TMCO4: variants seen among roughly 807,000 people sequenced by gnomAD.
TMCO4 encodes the protein transmembrane and coiled-coil domain-containing protein 4.
In TMCO4, 58 loss-of-function variants were observed where a neutral mutation model predicts 64.7. That is an observed-to-expected ratio of 0.90 (90% confidence interval 0.73 to 1.12). TMCO4 has a LOEUF of 1.12. Among genes scored for constraint, TMCO4 ranks in the 50% most tolerant of loss-of-function variants. The pLI is 0.00. For missense variants in TMCO4, 780 were observed against 825.9 expected (o/e 0.94, Z 0.68); for synonymous variants, 325 against 346.1 (o/e 0.94, Z 0.68).
chr1:19,730,883 A>G (rs2095427399), intron 13 of TMCO4, among the ~76,000 whole-genome samples: 1 of 152,238 alleles, frequency 6.6e-6, no homozygotes, highest in African/African-American at 2.4e-5. Flanking sequence ...GAAAACAATT[A>G]GTGGATTCAA....
At chr1:19,742,131 C>G (rs2095482248) in intron 10 of TMCO4, among the ~76,000 whole-genome samples, 1 of 152,184 alleles carries the variant, frequency 6.6e-6, no homozygotes, top group South Asian at 2.1e-4. Context: ...TAGATCACTA[C>G]CACTTGCCCT....
At position 19,734,639 on chromosome 1, in the gene TMCO4, T is replaced by C. The variant is rs1338444086; in HGVS notation, c.1264+2733A>G. Reference sequence around the variant, plus strand: ...TTACGTGGGCTGCAGAGACACCAGATGCCACCGTTTCTAGACACCCCTGAG... The same window carrying C: ...TTACGTGGGCTGCAGAGACACCAGACGCCACCGTTTCTAGACACCCCTGAG... On this transcript the variant is annotated intron_variant, in intron 13 of 15. Coordinates refer to ENST00000294543, the MANE Select transcript of TMCO4 (RefSeq NM_181719.7). This position sits in a 1 kb window ranked among gnomAD's most constrained non-coding sequence, Gnocchi z 4.4. Among the ~76,000 whole-genome samples, 1 of 151,992 alleles carries C rather than the reference T, an allele frequency of 6.6e-6. No homozygotes were observed. The highest frequency in any genetic ancestry group is 1.9e-4 in the East Asian group (1 of 5,150).
At chr1:19,695,653 T>A (rs2095231280) in intron 14 of TMCO4, among the ~76,000 whole-genome samples, 1 of 152,048 alleles carries the variant, frequency 6.6e-6, no homozygotes, top group Admixed American at 6.5e-5. Context: ...CACAGGCAAG[T>A]CCCCCACCTG....
rs1383893678 is a variant in TMCO4 at position 19,682,644 on chromosome 1, G to A, written c.*396C>T. On this transcript the variant is annotated 3_prime_UTR_variant, in exon 16 of 16. Coordinates refer to ENST00000294543, the MANE Select transcript of TMCO4 (RefSeq NM_181719.7). ...GCACCTGGTTTTATTGAGGCCAGGG[G>A]AGAGCTGGTGTGGGAGCCTCAGGCC... is the stretch of plus-strand genomic sequence containing the variant. The A allele has an allele frequency of 2.8e-6, 2 of 717,612 alleles. No homozygotes were observed. The highest frequency in any genetic ancestry group is 4.0e-5 in the Admixed American group (2 of 50,026). The allele number at this position is 717,612 out of a possible 1,614,324, so 44.5% of individuals were successfully genotyped here.
rs941225196 is a variant in TMCO4 at position 19,741,049 on chromosome 1, C to G, written c.878-108G>C. On this transcript the variant is annotated intron_variant, in intron 10 of 15. Transcript: ENST00000294543. ...GGACCACTCACCCTTGTGTGGAAGA[C>G]AAGAGGCCCACCCCCTGCCAATGAG... is the stretch of plus-strand genomic sequence containing the variant. 4.2e-6 allele frequency: 5 copies of G among 1,198,770 alleles called. No individual in the cohort carries two copies. In the South Asian group the frequency reaches 8.2e-5, roughly 20 times the overall value. The allele number at this position is 1,198,770 out of a possible 1,614,324, so 74.3% of individuals were successfully genotyped here.
chr1:19,737,245 A>G (rs978802498), intron 13 of TMCO4, 127 bp downstream of exon 13: 7 of 929,654 alleles, frequency 7.5e-6, no homozygotes, highest in Non-Finnish European at 1.1e-5. Context: ...ACTATTTTTA[A>G]CTTTTAACTA....
chr1:19,779,383 T>C (rs2043353967), intron 4 of TMCO4, among the ~76,000 whole-genome samples: 1 of 152,168 alleles, frequency 6.6e-6, no homozygotes, highest in Non-Finnish European at 1.5e-5. Context: ...CACTCGGTCA[T>C]TGTCCTCATT....
intron 14 of TMCO4, among the ~76,000 whole-genome samples, chr1:19,698,233 T>C (rs2095249544): frequency 6.6e-6 from 1 of 152,188 alleles, no homozygotes; most frequent in Admixed American, 6.5e-5. Flanking sequence ...CTGTCATCCC[T>C]TCCTCACATG....
chr1:19,732,407 C>G lies in TMCO4; in HGVS notation c.1264+4965G>C, dbSNP rs145391517. Among the ~76,000 whole-genome samples, 785 of 152,090 alleles carry G rather than the reference C, an allele frequency of 5.2e-3. 7 individuals carry two copies. The highest frequency in any genetic ancestry group is 0.018 in the African/African-American group (740 of 41,518). ...TCTTGAACTCCTGGGCTCAAGCAATCCTCCCACCTCAGCCTCCCAAAGTGT... is the reference window on the plus strand; with the variant it reads ...TCTTGAACTCCTGGGCTCAAGCAATGCTCCCACCTCAGCCTCCCAAAGTGT... On this transcript the variant is annotated intron_variant, in intron 13 of 15. Coordinates refer to ENST00000294543, the MANE Select transcript of TMCO4 (RefSeq NM_181719.7). This position sits in a 1 kb window ranked among gnomAD's most constrained non-coding sequence, Gnocchi z 4.8.
At chr1:19,797,689 A>G (rs1174739983) in intron 2 of TMCO4, among the ~76,000 whole-genome samples, 1 of 151,672 alleles carries the variant, frequency 6.6e-6, no homozygotes, top group African/African-American at 2.4e-5. Context: ...ATATGGTGAA[A>G]CCCCATCTCT....
chr1:19,717,769 T>C (rs1371639306), intron 13 of TMCO4, among the ~76,000 whole-genome samples: 1 of 152,148 alleles, frequency 6.6e-6, no homozygotes, highest in East Asian at 1.9e-4. Flanking sequence ...GGCTCCTCCT[T>C]TGAACTGCTG....
intron 15 of TMCO4, among the ~76,000 whole-genome samples, chr1:19,693,152 G>A (rs1406895063): frequency 2.9e-5 from 3 of 103,176 alleles, no homozygotes; most frequent in East Asian, 3.1e-4. Flanking sequence ...CAGCCTGAGC[G>A]AGACCCCATC....
At chr1:19,761,199 G>A (rs958001741) in intron 6 of TMCO4, among the ~76,000 whole-genome samples, 2 of 152,220 alleles carry the variant, frequency 1.3e-5, no homozygotes, top group Non-Finnish European at 2.9e-5. Context: ...GGGTGCAGAT[G>A]CTGTGCACCT....
intron 4 of TMCO4, among the ~76,000 whole-genome samples, chr1:19,771,912 C>T (rs996797735): frequency 2.6e-5 from 4 of 152,160 alleles, no homozygotes; most frequent in African/African-American, 9.7e-5. Context: ...CCCGCCCCGG[C>T]CTCCCAAAGT....
intron 10 of TMCO4, among the ~76,000 whole-genome samples, chr1:19,741,511 A>C (rs2095478879): frequency 6.6e-6 from 1 of 152,040 alleles, no homozygotes; most frequent in African/African-American, 2.4e-5. Flanking sequence ...TCTGAGCCTC[A>C]ATTTTCTCAC....
intron 2 of TMCO4, among the ~76,000 whole-genome samples, chr1:19,792,321 T>C (rs994085225): frequency 3.9e-5 from 6 of 152,350 alleles, no homozygotes; most frequent in African/African-American, 1.4e-4. Context: ...AGACCTGGGA[T>C]GGACAGAGGT....
chr1:19,692,759 T>C (rs1052373151), intron 15 of TMCO4, among the ~76,000 whole-genome samples: 2 of 150,144 alleles, frequency 1.3e-5, no homozygotes, highest in Admixed American at 6.7e-5. Context: ...AAAATATAAA[T>C]AAACAAATAA....
intron 6 of TMCO4, among the ~76,000 whole-genome samples, chr1:19,768,445 C>G (rs2042837257): frequency 6.6e-6 from 1 of 152,202 alleles, no homozygotes; most frequent in African/African-American, 2.4e-5. Context: ...CACAATCACT[C>G]TGTAATGAAA....
intron 13 of TMCO4, 52 bp from the exon 14 acceptor site, chr1:19,700,937 C>A (rs1272565438): frequency 7.0e-7 from 1 of 1,435,550 alleles, no homozygotes; most frequent in Admixed American, 1.7e-5. Flanking sequence ...ACATTGGGTG[C>A]TGGGAGGGAC....
Sources: allele counts gnomAD v4.1 joint callset (sites outside exome capture counted in the v4.1 genomes callset), GRCh38; gene constraint gnomAD v4.1.1; non-coding constraint Gnocchi (gnomAD v3.1); transcripts MANE v1.5; gene names NCBI Gene and HGNC (gene_info 2026-07-23, HGNC 2026-07-21).